Variants in CCSER1 observed in about 807,000 individuals in gnomAD.
CCSER1 encodes the protein serine-rich coiled-coil domain-containing protein 1.
CCSER1 carries 41 observed loss-of-function variants against 82.0 expected under a neutral mutation model. The ratio of observed to expected loss-of-function variants is 0.50; its 90% CI spans 0.39 to 0.65. CCSER1 has a LOEUF of 0.65. Among genes scored for constraint, CCSER1 ranks in the 30% least tolerant of loss-of-function variants. The pLI, the probability that CCSER1 is intolerant of heterozygous loss-of-function variation, is 0.00. For missense variants in CCSER1, 1,119 were observed against 1,064.2 expected (o/e 1.05, Z -0.72); for synonymous variants, 414 against 383.9 (o/e 1.08, Z -0.92).
intron 1 of CCSER1, among the ~76,000 whole-genome samples, chr4:90,286,818 A>C (rs748466610): frequency 6.6e-6 from 1 of 151,974 alleles, no homozygotes; most frequent in Non-Finnish European, 1.5e-5. Flanking sequence ...ATTCTTTGGA[A>C]ATATCACTGT....
At chr4:90,568,725 T>TCATAGATC (rs1291719841) in intron 5 of CCSER1, among the ~76,000 whole-genome samples, 1 of 152,016 alleles carries the variant, frequency 6.6e-6, no homozygotes, top group Admixed American at 6.6e-5. Flanking sequence ...TTTAGTTGTT[T>TCATAGATC]CATAGATCTT....
chr4:91,335,147 C>T (rs77597605), intron 10 of CCSER1, among the ~76,000 whole-genome samples: 8,644 of 151,878 alleles, frequency 0.057, 305 homozygotes, highest in South Asian at 0.11. Flanking sequence ...ATAGATTGTT[C>T]GTGTTGTCAG....
chr4:90,575,936 A>G (rs186062684), intron 5 of CCSER1, among the ~76,000 whole-genome samples: 6 of 152,132 alleles, frequency 3.9e-5, no homozygotes. Flanking sequence ...CTTTAAGCAT[A>G]TCTGGATTTT....
intron 9 of CCSER1, among the ~76,000 whole-genome samples, chr4:91,073,566 T>A (rs1581479625): frequency 6.6e-6 from 1 of 152,210 alleles, no homozygotes; most frequent in Non-Finnish European, 1.5e-5. Context: ...CAAAATATTT[T>A]TATCAACAAT....
At chr4:90,201,460 G>A (rs1456714155) in intron 1 of CCSER1, among the ~76,000 whole-genome samples, 1 of 151,312 alleles carries the variant, frequency 6.6e-6, no homozygotes, top group Admixed American at 6.6e-5. Context: ...GTGTGATTTT[G>A]TTATCTCATA....
intron 10 of CCSER1, among the ~76,000 whole-genome samples, chr4:91,534,501 A>G (rs951004968): frequency 1.3e-5 from 2 of 151,990 alleles, no homozygotes; most frequent in Admixed American, 6.6e-5. Context: ...TGTGCTATGT[A>G]TTTAGTTATC....
intron 10 of CCSER1, among the ~76,000 whole-genome samples, chr4:91,441,268 C>A (rs546093071): frequency 6.6e-6 from 1 of 151,988 alleles, no homozygotes; most frequent in Non-Finnish European, 1.5e-5. Flanking sequence ...AAAGCTTATC[C>A]ACCATGATCA....
intron 7 of CCSER1, among the ~76,000 whole-genome samples, chr4:90,753,646 C>A (rs143215774): frequency 6.6e-6 from 1 of 152,174 alleles, no homozygotes; most frequent in African/African-American, 2.4e-5. Flanking sequence ...ACTCTTGTCT[C>A]CCCTGTAATT....
intron 10 of CCSER1, among the ~76,000 whole-genome samples, chr4:91,280,207 C>T (rs1373543608): frequency 6.6e-6 from 1 of 152,172 alleles, no homozygotes; most frequent in East Asian, 1.9e-4. Context: ...TGGGTTTAGG[C>T]AGAGTGATTC....
At chr4:90,836,950 A>G (rs1413339091) in intron 8 of CCSER1, among the ~76,000 whole-genome samples, 1 of 152,246 alleles carries the variant, frequency 6.6e-6, no homozygotes, top group Non-Finnish European at 1.5e-5. Context: ...TGCAATGATC[A>G]GTTGAAGCTG....
At chr4:91,213,017 T>A (rs1736951359) in intron 10 of CCSER1, among the ~76,000 whole-genome samples, 1 of 152,192 alleles carries the variant, frequency 6.6e-6, no homozygotes, top group Admixed American at 6.5e-5. Context: ...TGTGTTAATT[T>A]TCTTACTATA....
intron 4 of CCSER1, among the ~76,000 whole-genome samples, chr4:90,452,655 G>A (rs1023387996): frequency 6.6e-6 from 1 of 152,152 alleles, no homozygotes; most frequent in Non-Finnish European, 1.5e-5. Flanking sequence ...CTCCTCATTG[G>A]GAAGTCTAAG....
intron 7 of CCSER1, among the ~76,000 whole-genome samples, chr4:90,771,625 T>C (rs2149568032): frequency 6.6e-6 from 1 of 151,446 alleles, no homozygotes; most frequent in South Asian, 2.1e-4. Context: ...TGAGATACTA[T>C]TTTTATTACA....
chr4:90,932,982 GAGAAAGAAAGAAAGAAAGAAAGAAAGAA>G (rs765197842), intron 9 of CCSER1, among the ~76,000 whole-genome samples: 10 of 18,868 alleles, frequency 5.3e-4, no homozygotes, highest in South Asian at 3.1e-3. Context: ...AAGAAAGAAA[GAGAAAGAAAGAAAGAAAGAAAGAAAGAA>G]AGAAAGAAAG....
chr4:90,949,567 A>G (rs1275307061), intron 9 of CCSER1, among the ~76,000 whole-genome samples: 3 of 152,068 alleles, frequency 2.0e-5, no homozygotes, highest in African/African-American at 7.2e-5. Context: ...TTTTGTTTTC[A>G]TGTGATATAT....
intron 10 of CCSER1, among the ~76,000 whole-genome samples, chr4:91,211,660 G>C (rs1403472018): frequency 6.6e-6 from 1 of 151,974 alleles, no homozygotes; most frequent in Non-Finnish European, 1.5e-5. Context: ...AATGACTTTA[G>C]CTTTAGCTTG....
chr4:91,163,094 C>T (rs1309698157), intron 10 of CCSER1, among the ~76,000 whole-genome samples: 2 of 152,196 alleles, frequency 1.3e-5, no homozygotes, highest in Non-Finnish European at 2.9e-5. Context: ...CCTTTACACA[C>T]AGTTTTAAAT....
intron 10 of CCSER1, among the ~76,000 whole-genome samples, chr4:91,495,981 T>C (rs1417985220): frequency 2.0e-5 from 3 of 151,564 alleles, no homozygotes; most frequent in Non-Finnish European, 4.4e-5. Context: ...AGAAGTAGAT[T>C]TTTATAAAAC....
intron 9 of CCSER1, among the ~76,000 whole-genome samples, chr4:91,060,457 C>A (rs141070106): frequency 6.6e-6 from 1 of 151,886 alleles, no homozygotes; most frequent in African/African-American, 2.4e-5. Flanking sequence ...TAGAAGAATG[C>A]ATTTGCAAAA....
Sources: gnomAD v4.1 joint callset for allele counts (sites outside exome capture counted in the v4.1 genomes callset) on GRCh38, gnomAD v4.1.1 for gene constraint, MANE v1.5 for transcripts, NCBI Gene and HGNC (gene_info 2026-07-23, HGNC 2026-07-21) for gene names.